The following TRPM3 variants were observed in gnomAD, a reference collection of about 807,000 sequenced individuals.
The protein encoded by TRPM3 is long transient receptor potential channel 3.
TRPM3 carries 77 observed loss-of-function variants against 181.2 expected under a neutral mutation model. That is an observed-to-expected ratio of 0.42 (90% CI 0.35 to 0.51). TRPM3 has a LOEUF of 0.51. TRPM3 is among the 20% of genes least tolerant of loss of function. TRPM3 has a pLI of 0.01. For synonymous variants in TRPM3, 745 were observed against 796.4 expected, an observed-to-expected ratio of 0.94 and a Z score of 1.09; for missense variants, 1,759 against 2,196.7, an observed-to-expected ratio of 0.80 and a Z score of 3.98.
At chr9:71,034,830 G>T (rs766451481) in intron 1 of TRPM3, among the ~76,000 whole-genome samples, 15 of 151,600 alleles carry the variant, frequency 9.9e-5, no homozygotes, top group Non-Finnish European at 1.9e-4. Flanking sequence ...ACATCATTCA[G>T]TGTGATGTAT....
At chr9:71,265,586 T>C (rs2083334725) in intron 1 of TRPM3, among the ~76,000 whole-genome samples, 1 of 152,198 alleles carries the variant, frequency 6.6e-6, no homozygotes, top group South Asian at 2.1e-4. Flanking sequence ...AATACCTCCT[T>C]ATCCTGTCAC....
intron 1 of TRPM3, among the ~76,000 whole-genome samples, chr9:71,035,192 A>G (rs2058041931): frequency 6.6e-6 from 1 of 152,208 alleles, no homozygotes; most frequent in Admixed American, 6.5e-5. Flanking sequence ...CATTCAGCCA[A>G]CTGCACTCAT....
At chr9:71,130,349 A>T (rs1587538855) in intron 1 of TRPM3, among the ~76,000 whole-genome samples, 2 of 152,198 alleles carry the variant, frequency 1.3e-5, no homozygotes, top group East Asian at 3.9e-4. Context: ...AGTGAAAGAT[A>T]ATATTCTAGA....
At chr9:71,065,655 A>C (rs945761120) in intron 1 of TRPM3, among the ~76,000 whole-genome samples, 1 of 152,226 alleles carries the variant, frequency 6.6e-6, no homozygotes, top group African/African-American at 2.4e-5. Context: ...ATCACTCATC[A>C]AATCACTTCA....
chr9:70,998,232 C>CACATATATATACATAT (rs2097563542), intron 1 of TRPM3, among the ~76,000 whole-genome samples: 1 of 119,884 alleles, frequency 8.3e-6, no homozygotes, highest in African/African-American at 3.3e-5. Context: ...TACATATACA[C>CACATATATATACATAT]ACACACACAC....
At chr9:71,115,161 C>T (rs2072056529) in intron 1 of TRPM3, among the ~76,000 whole-genome samples, 1 of 152,140 alleles carries the variant, frequency 6.6e-6, no homozygotes, top group South Asian at 2.1e-4. Context: ...CAGATACCAG[C>T]ATCAGAGGGG....
chr9:71,091,326 G>A lies in TRPM3; in HGVS notation c.177+29852C>T, dbSNP rs114452741. Among the ~76,000 whole-genome samples the A allele has an allele frequency of 9.1e-3, 1,382 of 152,068 alleles. 21 individuals are homozygous for A. Among genetic ancestry groups the A allele is most frequent in the African/African-American group, 0.03 (1,236 of 41,454 alleles). On this transcript the variant is annotated intron_variant, in intron 1 of 25. Coordinates refer to ENST00000677713, the MANE Select transcript of TRPM3 (RefSeq NM_001366145.2). The stretch of plus-strand genomic sequence containing the variant: ...TTCCTTTCACCCACTGCTGGTAAAC[G>A]AAACCCAAACTTTTAAAGAACCACC...
intron 1 of TRPM3, among the ~76,000 whole-genome samples, chr9:71,331,866 AGGAGGAAGAAAGAGGAGGAAGAAGG>A (rs1290156675): frequency 0.012 from 14 of 1,184 alleles, no homozygotes; most frequent in African/African-American, 0.017. Context: ...GAGACGGAGG[AGGAGGAAGAAAGAGGAGGAAGAAGG>A]GGAGGAAGAA....
At chr9:71,272,362 A>G (rs571529622) in intron 1 of TRPM3, among the ~76,000 whole-genome samples, 1 of 152,322 alleles carries the variant, frequency 6.6e-6, no homozygotes, top group African/African-American at 2.4e-5. Flanking sequence ...ACATAAAAAT[A>G]TTTTAAAAAT....
At chr9:70,580,589 A>T (rs2055377944) in intron 22 of TRPM3, among the ~76,000 whole-genome samples, 1 of 152,128 alleles carries the variant, frequency 6.6e-6, no homozygotes. Context: ...CCCAGGGAGG[A>T]CACCTCATAT....
At chr9:70,976,377 T>C (rs760434808) in intron 1 of TRPM3, among the ~76,000 whole-genome samples, 1 of 152,152 alleles carries the variant, frequency 6.6e-6, no homozygotes, top group African/African-American at 2.4e-5. Context: ...CATCCACACA[T>C]GGAAGGTGAG....
chr9:70,927,812 T>C (rs1589838586), intron 1 of TRPM3, among the ~76,000 whole-genome samples: 1 of 152,186 alleles, frequency 6.6e-6, no homozygotes, highest in African/African-American at 2.4e-5. Context: ...CTTTTCCTGT[T>C]TAAATGTTGT....
At chr9:70,609,543 A>C (rs2061706113) in intron 19 of TRPM3, among the ~76,000 whole-genome samples, 1 of 152,214 alleles carries the variant, frequency 6.6e-6, no homozygotes, top group African/African-American at 2.4e-5. Flanking sequence ...TTTGATTGTC[A>C]TACTTGGGGG....
chr9:71,069,580 A>C (rs2062428845), intron 1 of TRPM3, among the ~76,000 whole-genome samples: 1 of 150,710 alleles, frequency 6.6e-6, no homozygotes, highest in South Asian at 2.1e-4. Context: ...TAGGAATAGG[A>C]GGGCCTGTAT....
chr9:71,373,350 G>GA (rs1325221041), intron 1 of TRPM3, among the ~76,000 whole-genome samples: 1 of 150,178 alleles, frequency 6.7e-6, no homozygotes, highest in Admixed American at 6.6e-5. Context: ...GTGGTTTTTT[G>GA]AAAAAAATTA....
chr9:71,218,141 C>G (rs1397016781), intron 1 of TRPM3, among the ~76,000 whole-genome samples: 1 of 152,130 alleles, frequency 6.6e-6, no homozygotes, highest in African/African-American at 2.4e-5. Flanking sequence ...TTATGGCAGT[C>G]TGGGTCTTGC....
intron 1 of TRPM3, among the ~76,000 whole-genome samples, chr9:71,229,324 G>A (rs1025664899): frequency 3.3e-5 from 5 of 152,068 alleles, no homozygotes; most frequent in Non-Finnish European, 7.4e-5. Context: ...AATTCAAATA[G>A]GTGAAGAGCA....
intron 24 of TRPM3, among the ~76,000 whole-genome samples, chr9:70,550,136 GT>G (rs1187480856): frequency 6.6e-6 from 1 of 152,126 alleles, no homozygotes. Flanking sequence ...AACATTTCCA[GT>G]TTCCCTTGAA....
intron 1 of TRPM3, among the ~76,000 whole-genome samples, chr9:70,904,891 A>G (rs1033822021): frequency 6.6e-6 from 1 of 152,190 alleles, no homozygotes; most frequent in African/African-American, 2.4e-5. Context: ...TATATGTCAG[A>G]GCTTAAAGTT....
Sources: allele counts gnomAD v4.1 joint callset (sites outside exome capture counted in the v4.1 genomes callset), GRCh38; gene constraint gnomAD v4.1.1; transcripts MANE v1.5; gene names NCBI Gene and HGNC (gene_info 2026-07-23, HGNC 2026-07-21).